Variants in GPM6A observed in about 807,000 individuals in gnomAD.
GPM6A encodes neuronal membrane glycoprotein M6-a.
GPM6A carries 7 observed loss-of-function variants against 32.1 expected under a neutral mutation model. That is an observed-to-expected ratio of 0.22 (90% CI 0.12 to 0.41). The LOEUF is 0.41. Among genes scored for constraint, GPM6A ranks in the 10% least tolerant of loss-of-function variants. GPM6A has a pLI of 1.00. For synonymous variants in GPM6A, 130 were observed against 123.4 expected (o/e 1.05, Z -0.35); for missense variants, 235 against 347.2 (o/e 0.68, Z 2.57).
chr4:175,864,930 C>T (rs964384121), intron 1 of GPM6A, among the ~76,000 whole-genome samples: 2 of 152,002 alleles, frequency 1.3e-5, no homozygotes, highest in Non-Finnish European at 2.9e-5. Flanking sequence ...CTCAGCCTCC[C>T]CAGCAGCTGC....
At chr4:175,765,912 C>T (rs1001004432) in intron 1 of GPM6A, among the ~76,000 whole-genome samples, 3 of 152,144 alleles carry the variant, frequency 2.0e-5, no homozygotes, top group South Asian at 4.1e-4. Flanking sequence ...AACCATTCTC[C>T]GTTTAACAAC....
intron 1 of GPM6A, among the ~76,000 whole-genome samples, chr4:175,825,245 G>C (rs1391298570): frequency 6.6e-6 from 1 of 152,080 alleles, no homozygotes; most frequent in African/African-American, 2.4e-5. Context: ...GTTACCTTGG[G>C]GTGCAGTAAT....
chr4:175,990,552 G>A lies in GPM6A; in HGVS notation c.-23+11757C>T, dbSNP rs182326282. Among the ~76,000 whole-genome samples, 591 of 152,142 alleles carry A rather than the reference G, an allele frequency of 3.9e-3. 3 individuals carry two copies. Among genetic ancestry groups the A allele is most frequent in the Non-Finnish European group, 6.6e-3 (451 of 68,024 alleles). On this transcript the variant is annotated intron_variant, in intron 1 of 7. Coordinates refer to the GPM6A transcript ENST00000280187. ...TATGTGCAGAGCAAGGGTGGGCATG[G>A]GATAGACCCTTCAGTAGACCCCTAA...
At chr4:175,920,417 C>T (rs921550280) in intron 1 of GPM6A, among the ~76,000 whole-genome samples, 23 of 152,194 alleles carry the variant, frequency 1.5e-4, no homozygotes, top group African/African-American at 5.3e-4. Flanking sequence ...CTGTTCCATG[C>T]ATACAGCAAG....
At chr4:175,842,087 G>C (rs1735954125) in intron 1 of GPM6A, among the ~76,000 whole-genome samples, 1 of 151,918 alleles carries the variant, frequency 6.6e-6, no homozygotes, top group Non-Finnish European at 1.5e-5. Context: ...GTTCTTTTTG[G>C]TGTTGCATAG....
intron 1 of GPM6A, among the ~76,000 whole-genome samples, chr4:175,847,192 C>T (rs1393360075): frequency 6.6e-6 from 1 of 152,162 alleles, no homozygotes; most frequent in East Asian, 1.9e-4. Context: ...GATGGTCCTC[C>T]TTTCTTTCAG....
At chr4:175,637,846 T>C (rs1740894099) in intron 6 of GPM6A, among the ~76,000 whole-genome samples, 1 of 120,610 alleles carries the variant, frequency 8.3e-6, no homozygotes, top group Non-Finnish European at 1.6e-5. Flanking sequence ...TAATATATAA[T>C]ATAAAATATA....
intron 1 of GPM6A, among the ~76,000 whole-genome samples, chr4:175,885,245 A>G (rs1277751791): frequency 1.3e-5 from 2 of 152,224 alleles, no homozygotes; most frequent in Non-Finnish European, 2.9e-5. Flanking sequence ...GAGTCTCACA[A>G]GGATTATGTT....
intron 1 of GPM6A, among the ~76,000 whole-genome samples, chr4:175,724,537 T>G (rs1200382215): frequency 1.3e-5 from 2 of 152,002 alleles, no homozygotes; most frequent in Non-Finnish European, 2.9e-5. Flanking sequence ...AGAGTGAGAT[T>G]CCATCTCAAA....
intron 1 of GPM6A, among the ~76,000 whole-genome samples, chr4:175,820,502 T>TC (rs1735243102): frequency 8.2e-6 from 1 of 122,070 alleles, no homozygotes; most frequent in African/African-American, 4.8e-5. Context: ...TTTTCTTTCT[T>TC]TTTTTTTTTT....
intron 1 of GPM6A, among the ~76,000 whole-genome samples, chr4:175,809,992 G>A (rs1734850978): frequency 1.3e-5 from 2 of 152,080 alleles, no homozygotes; most frequent in African/African-American, 4.8e-5. Flanking sequence ...TCTTGCAAAT[G>A]GAAGAAAACT....
chr4:175,926,580 T>C (rs1035147150), intron 1 of GPM6A, among the ~76,000 whole-genome samples: 3 of 152,186 alleles, frequency 2.0e-5, no homozygotes, highest in Non-Finnish European at 4.4e-5. Flanking sequence ...TTTTCTAATA[T>C]GATAATCTGA....
At chr4:175,903,734 A>T (rs1028758800) in intron 1 of GPM6A, among the ~76,000 whole-genome samples, 11 of 152,144 alleles carry the variant, frequency 7.2e-5, no homozygotes, top group Non-Finnish European at 1.6e-4. Flanking sequence ...TAATTTTTTT[A>T]AATCTCAAGA....
At chr4:175,991,231 A>ATT (rs1554007435) in intron 1 of GPM6A, among the ~76,000 whole-genome samples, 9,322 of 118,988 alleles carry the variant, frequency 0.078, 447 homozygotes, top group South Asian at 0.28. Flanking sequence ...ACTCCCAGCT[A>ATT]TTTTTTTTTT....
At chr4:175,981,425 A>G (rs2126442718) in intron 1 of GPM6A, among the ~76,000 whole-genome samples, 1 of 152,226 alleles carries the variant, frequency 6.6e-6, no homozygotes, top group Non-Finnish European at 1.5e-5. Context: ...CTCACTTCCA[A>G]CCACTCTTAA....
intron 1 of GPM6A, among the ~76,000 whole-genome samples, chr4:175,718,520 G>A (rs555689475): frequency 2.3e-4 from 35 of 152,134 alleles, no homozygotes; most frequent in South Asian, 1.0e-3. Context: ...GGAGGCTGAG[G>A]TAGGAGAATC....
intron 1 of GPM6A, among the ~76,000 whole-genome samples, chr4:175,919,679 C>T (rs779607202): frequency 1.3e-5 from 2 of 152,192 alleles, no homozygotes; most frequent in Non-Finnish European, 2.9e-5. Flanking sequence ...TTCTCTCTCA[C>T]ATTAACAGAA....
rs76192523 is a variant in GPM6A, at chr4:175,809,181, G to C, written c.37+3010C>G. On this transcript the variant is annotated intron_variant, in intron 1 of 6. Transcript: ENST00000393658. ...GATTTGGCAAAATGTTCTAGAAACA[G>C]TTGCATGGCTACAAGTCATAAACGC... Among the ~76,000 whole-genome samples, 35 of 152,268 alleles carry C rather than the reference G, an allele frequency of 2.3e-4. No individual in the cohort carries two copies. The East Asian group carries it at 6.6e-3, about 29-fold the overall frequency.
At chr4:175,846,880 A>G (rs963447818) in intron 1 of GPM6A, among the ~76,000 whole-genome samples, 1 of 152,154 alleles carries the variant, frequency 6.6e-6, no homozygotes, top group African/African-American at 2.4e-5. Context: ...TGACTTAGTC[A>G]CAATGAAATA....
Sources: gnomAD v4.1 joint callset for allele counts (sites outside exome capture counted in the v4.1 genomes callset) on GRCh38, gnomAD v4.1.1 for gene constraint, MANE v1.5 for transcripts, NCBI Gene and HGNC (gene_info 2026-07-23, HGNC 2026-07-21) for gene names.